NUBPL: variants seen among roughly 807,000 people sequenced by gnomAD.
The protein encoded by NUBPL is NUBP iron-sulfur cluster assembly factor, mitochondrial, also known as iron-sulfur cluster transfer protein NUBPL.
In NUBPL, 31 loss-of-function variants were observed where a neutral mutation model predicts 45.7. That is an observed-to-expected ratio of 0.68 (90% CI 0.51 to 0.92). The LOEUF (loss-of-function observed/expected upper bound fraction) is 0.92. NUBPL is among the 40% of genes least tolerant of loss of function. The pLI is 0.00. For synonymous variants in NUBPL, 144 were observed against 140.9 expected, an observed-to-expected ratio of 1.02 and a Z score of -0.15; for missense variants, 401 against 398.7, an observed-to-expected ratio of 1.01 and a Z score of -0.05.
At chr14:31,809,612 T>C (rs1298267282) in intron 7 of NUBPL, among the ~76,000 whole-genome samples, 1 of 152,140 alleles carries the variant, frequency 6.6e-6, no homozygotes, top group Non-Finnish European at 1.5e-5. Flanking sequence ...GTGTCTCTAT[T>C]TCCTTCAGTT....
At chr14:31,613,473 G>A (rs965411238) in intron 4 of NUBPL, among the ~76,000 whole-genome samples, 2 of 150,872 alleles carry the variant, frequency 1.3e-5, no homozygotes, top group Non-Finnish European at 3.0e-5. Context: ...TTTTTTTGAG[G>A]TGGAGTCTCG....
chr14:31,757,831 T>C lies in NUBPL; in HGVS notation c.514-29949T>C, dbSNP rs549442157. On this transcript the variant is annotated intron_variant, in intron 6 of 10. Transcript: ENST00000281081. Reference sequence around the variant, plus strand: ...CTTTTTTTAGCCTTGAGGTTCAACCTAGTCTGACCTCTACTTACCTCATCT... The same window carrying C: ...CTTTTTTTAGCCTTGAGGTTCAACCCAGTCTGACCTCTACTTACCTCATCT... Among the ~76,000 whole-genome samples, 5 of 152,288 alleles carry C rather than the reference T, an allele frequency of 3.3e-5. No individual in the cohort carries two copies. The South Asian group carries it at 6.2e-4, about 19-fold the overall frequency.
intron 6 of NUBPL, among the ~76,000 whole-genome samples, chr14:31,681,552 C>A (rs923465666): frequency 6.0e-5 from 9 of 149,880 alleles, no homozygotes; most frequent in African/African-American, 2.0e-4. Flanking sequence ...TTCATTGTTT[C>A]TGCTTTTATC....
chr14:31,695,673 C>T (rs185302584), intron 6 of NUBPL, among the ~76,000 whole-genome samples: 313 of 152,312 alleles, frequency 2.1e-3, no homozygotes, highest in Non-Finnish European at 3.7e-3. Flanking sequence ...CTCGTCCTTT[C>T]TTAATGGAAT....
intron 7 of NUBPL, among the ~76,000 whole-genome samples, chr14:31,815,366 G>A (rs972333470): frequency 2.6e-5 from 4 of 152,112 alleles, no homozygotes; most frequent in African/African-American, 9.7e-5. Flanking sequence ...GCATGCTTGT[G>A]ATTTTTGCAC....
intron 4 of NUBPL, among the ~76,000 whole-genome samples, chr14:31,603,209 A>G (rs2034492783): frequency 2.0e-5 from 3 of 149,666 alleles, no homozygotes; most frequent in Non-Finnish European, 4.4e-5. Context: ...CTGTGGTAAG[A>G]GGATCACTTG....
intron 6 of NUBPL, among the ~76,000 whole-genome samples, chr14:31,713,468 G>A (rs12886765): frequency 0.3 from 44,886 of 151,930 alleles, 7,486 homozygotes; most frequent in South Asian, 0.41. Flanking sequence ...TTCCCTTTCA[G>A]TTGTGCCACA....
chr14:31,846,671 C>G, intron 9 of NUBPL, 80 bp downstream of exon 9: 1 of 1,582,128 alleles, frequency 6.3e-7, no homozygotes, highest in Non-Finnish European at 8.6e-7. Context: ...AAGAGTGTCT[C>G]AGAGGCCGGG....
intron 4 of NUBPL, among the ~76,000 whole-genome samples, chr14:31,627,089 ACT>A (rs1249072518): frequency 6.6e-6 from 1 of 152,148 alleles, no homozygotes; most frequent in African/African-American, 2.4e-5. Context: ...AGTACTTTAA[ACT>A]CTATCTAGCA....
intron 4 of NUBPL, among the ~76,000 whole-genome samples, chr14:31,605,502 T>A (rs920164075): frequency 6.6e-6 from 1 of 152,224 alleles, no homozygotes; most frequent in African/African-American, 2.4e-5. Flanking sequence ...GATCCCCTTG[T>A]CTTTTCTATT....
chr14:31,609,337 T>C (rs1278936684), intron 4 of NUBPL, among the ~76,000 whole-genome samples: 1 of 152,176 alleles, frequency 6.6e-6, no homozygotes, highest in East Asian at 1.9e-4. Context: ...AGAAGGTCAC[T>C]ATATAATGAT....
At chr14:31,716,245 T>A (rs561747207) in intron 6 of NUBPL, among the ~76,000 whole-genome samples, 2 of 152,326 alleles carry the variant, frequency 1.3e-5, no homozygotes, top group South Asian at 4.1e-4. Context: ...CTTTGTTTTC[T>A]TAATAAGGGA....
intron 4 of NUBPL, among the ~76,000 whole-genome samples, chr14:31,624,485 T>C (rs759366597): frequency 6.6e-5 from 10 of 152,006 alleles, no homozygotes; most frequent in African/African-American, 9.7e-5. Context: ...ATAGTTGGAG[T>C]TGTTAGTTGA....
chr14:31,644,123 C>A (rs2035781500), intron 4 of NUBPL, among the ~76,000 whole-genome samples: 1 of 151,736 alleles, frequency 6.6e-6, no homozygotes, highest in Admixed American at 6.6e-5. Context: ...TTCTGGGTTT[C>A]TTTCAGTATC....
At chr14:31,749,324 GA>G (rs1468815243) in intron 6 of NUBPL, among the ~76,000 whole-genome samples, 1 of 152,102 alleles carries the variant, frequency 6.6e-6, no homozygotes, top group Admixed American at 6.5e-5. Flanking sequence ...CTGTTTTCAT[GA>G]GGCAGTTATT....
At chr14:31,563,565 G>A (rs2033357122) in intron 2 of NUBPL, among the ~76,000 whole-genome samples, 1 of 152,020 alleles carries the variant, frequency 6.6e-6, no homozygotes, top group East Asian at 1.9e-4. Flanking sequence ...TTAAAAATAG[G>A]TTATTTTTAT....
At chr14:31,846,403 A>C in intron 8 of NUBPL, 68 bp from the exon 9 acceptor site, 1 of 1,339,824 alleles carries the variant, frequency 7.5e-7, no homozygotes, top group South Asian at 1.3e-5. Flanking sequence ...ACTCTGTAAA[A>C]ATTTGTTGAA....
intron 4 of NUBPL, among the ~76,000 whole-genome samples, chr14:31,670,960 T>C (rs1253461182): frequency 6.6e-6 from 1 of 152,192 alleles, no homozygotes; most frequent in Non-Finnish European, 1.5e-5. Flanking sequence ...TTTGGGCTAT[T>C]TTTTGGTTGC....
At chr14:31,764,602 G>A (rs1271870919) in intron 6 of NUBPL, among the ~76,000 whole-genome samples, 1 of 152,154 alleles carries the variant, frequency 6.6e-6, no homozygotes, top group East Asian at 1.9e-4. Context: ...ACAACCTCTA[G>A]ATACATTGCA....
Sources: allele counts gnomAD v4.1 joint callset (sites outside exome capture counted in the v4.1 genomes callset), GRCh38; gene constraint gnomAD v4.1.1; transcripts MANE v1.5; gene names NCBI Gene and HGNC (gene_info 2026-07-23, HGNC 2026-07-21).